Variants in CDK19 observed in about 807,000 individuals in gnomAD.
CDK19 encodes cyclin dependent kinase 19, also known as cyclin-dependent kinase 19.
Under a neutral mutation model 68.3 loss-of-function variants are expected in CDK19, and 20 were observed. That is an observed-to-expected ratio of 0.29 (90% CI 0.21 to 0.43). The LOEUF is 0.43. CDK19 is among the 20% of genes least tolerant of loss of function. The pLI is 1.00. For missense variants in CDK19, 339 were observed against 623.5 expected (o/e 0.54, Z 4.86); for synonymous variants, 221 against 222.8 (o/e 0.99, Z 0.07).
At chr6:110,768,490 T>C (rs996029379) in intron 1 of CDK19, among the ~76,000 whole-genome samples, 26 of 152,198 alleles carry the variant, frequency 1.7e-4, no homozygotes, top group African/African-American at 6.3e-4. Context: ...GCAACCAAGA[T>C]ATCCTTCAGT....
chr6:110,723,155 A>C (rs1776058248), intron 2 of CDK19, among the ~76,000 whole-genome samples: 1 of 151,046 alleles, frequency 6.6e-6, no homozygotes, highest in Non-Finnish European at 1.5e-5. Flanking sequence ...AAAAAACAAA[A>C]AAAAAAACGC....
intron 1 of CDK19, among the ~76,000 whole-genome samples, chr6:110,805,855 A>G (rs759585827): frequency 6.6e-6 from 1 of 152,102 alleles, no homozygotes; most frequent in Non-Finnish European, 1.5e-5. Flanking sequence ...TAAAACTCAG[A>G]GACATGCCTT....
At position 110,783,265 on chromosome 6, in the gene CDK19, C is replaced by T. The variant is rs375601634; in HGVS notation, c.128+31744G>A. Among the ~76,000 whole-genome samples the T allele has an allele frequency of 7.2e-5, 11 of 152,256 alleles. No individual in the cohort carries two copies. In the East Asian group the frequency reaches 1.3e-3, roughly 19 times the overall value. ...TCATTAAATTTGCTGCACAACTTTT[C>T]GGAGTGTAATAGCTTTACTTCAAGT... On this transcript the variant is annotated intron_variant, in intron 1 of 12. Coordinates refer to ENST00000368911, the MANE Select transcript of CDK19 (RefSeq NM_015076.5).
At chr6:110,735,427 T>C (rs1299437079) in intron 2 of CDK19, among the ~76,000 whole-genome samples, 1 of 152,166 alleles carries the variant, frequency 6.6e-6, no homozygotes, top group Non-Finnish European at 1.5e-5. Context: ...AACAGCCCAC[T>C]TTGTTCCAAG....
At chr6:110,695,652 A>G (rs2114606790) in intron 2 of CDK19, among the ~76,000 whole-genome samples, 1 of 152,300 alleles carries the variant, frequency 6.6e-6, no homozygotes, top group East Asian at 1.9e-4. Flanking sequence ...ATTAGAAATG[A>G]AACTGGAGAT....
chr6:110,672,820 A>C (rs1385437189), intron 2 of CDK19, among the ~76,000 whole-genome samples: 1 of 152,166 alleles, frequency 6.6e-6, no homozygotes, highest in Non-Finnish European at 1.5e-5. Context: ...CATAAAAGAA[A>C]AATTTTTTTA....
chr6:110,712,595 T>A (rs1388193474), intron 2 of CDK19, among the ~76,000 whole-genome samples: 2 of 152,198 alleles, frequency 1.3e-5, no homozygotes, highest in East Asian at 3.9e-4. Context: ...CCCACTTCAC[T>A]CTTGTCTTTG....
In CDK19 at chr6:110,626,880, A is replaced by G. The variant is rs781618157; in HGVS notation, c.791-35T>C. On this transcript the variant is annotated intron_variant, in intron 7 of 12. Transcript: ENST00000368911. ...AAATTAAATATTGTTATAGAAAATA[A>G]TGTGTTAATTTAAAATCTCCTAATT... 1.6e-5 allele frequency: 22 copies of G among 1,410,656 alleles called. No homozygotes were observed. The South Asian group carries it at 2.3e-4, about 15-fold the overall frequency. 87.4% of individuals were successfully genotyped at this position (1,410,656 alleles called of 1,614,324 possible).
At chr6:110,714,722 C>CTTTTTTTTTTTT (rs112875656) in intron 2 of CDK19, among the ~76,000 whole-genome samples, 6 of 69,836 alleles carry the variant, frequency 8.6e-5, no homozygotes, top group East Asian at 2.8e-4. Flanking sequence ...AATGTCTTTT[C>CTTTTTTTTTTTT]TTTTTTTTTT....
rs373584668 is a variant in CDK19, at chr6:110,614,505, G to A, written c.*30C>T. ...CATATTGCTGGAGCCTGTGCTCTGG[G>A]CTGGGCTGGCCTGGCCCAACGGGAG... On this transcript the variant is annotated 3_prime_UTR_variant, in exon 13 of 13. Transcript: ENST00000368911. 6 of 1,607,188 alleles carry A rather than the reference G, an allele frequency of 3.7e-6. No individual in the cohort carries two copies. Among genetic ancestry groups the A allele is most frequent in the Non-Finnish European group, 4.3e-6 (5 of 1,175,400 alleles).
intron 12 of CDK19, among the ~76,000 whole-genome samples, chr6:110,620,796 G>A (rs1410053647): frequency 1.3e-5 from 2 of 152,028 alleles, no homozygotes; most frequent in East Asian, 1.9e-4. Flanking sequence ...GCGTATCTAC[G>A]TATCTTTTTC....
intron 2 of CDK19, among the ~76,000 whole-genome samples, chr6:110,709,069 T>C (rs895509525): frequency 1.3e-5 from 2 of 152,030 alleles, no homozygotes; most frequent in Non-Finnish European, 2.9e-5. Context: ...ACAGAACCAA[T>C]GACAAAAACC....
At chr6:110,710,112 A>G (rs1187037105) in intron 2 of CDK19, among the ~76,000 whole-genome samples, 1 of 152,230 alleles carries the variant, frequency 6.6e-6, no homozygotes, top group South Asian at 2.1e-4. Flanking sequence ...AGTACTAAAC[A>G]CCATTTAAGA....
In CDK19 at chr6:110,756,297, G is replaced by A. The variant is rs1380725458; in HGVS notation, c.129-10096C>T. Among the ~76,000 whole-genome samples, 3 of 152,050 alleles carry A rather than the reference G, an allele frequency of 2.0e-5. No homozygotes were observed. In the South Asian group the frequency reaches 6.2e-4, roughly 32 times the overall value. ...CTCAGCTACTCAGGAGGCTAAGGCA[G>A]GAGAATTACTTGAACTCGGGAGGCA... On this transcript the variant is annotated intron_variant, in intron 1 of 12. Coordinates refer to ENST00000368911, the MANE Select transcript of CDK19 (RefSeq NM_015076.5).
At chr6:110,666,714 C>T (rs2114411634) in intron 4 of CDK19, among the ~76,000 whole-genome samples, 1 of 152,218 alleles carries the variant, frequency 6.6e-6, no homozygotes, top group South Asian at 2.1e-4. Flanking sequence ...ATCATGAAAT[C>T]ACGTTGTGGG....
At chr6:110,801,160 A>C (rs1445432309) in intron 1 of CDK19, among the ~76,000 whole-genome samples, 1 of 152,154 alleles carries the variant, frequency 6.6e-6, no homozygotes, top group Non-Finnish European at 1.5e-5. Flanking sequence ...AATAACATTC[A>C]AGCTGAGAAC....
intron 2 of CDK19, among the ~76,000 whole-genome samples, chr6:110,691,849 T>C (rs935766008): frequency 2.0e-5 from 3 of 150,222 alleles, no homozygotes; most frequent in African/African-American, 7.3e-5. Flanking sequence ...GGTTTCACCA[T>C]GTTGGTCAGG....
chr6:110,638,278 A>C (rs1779914153), intron 5 of CDK19, among the ~76,000 whole-genome samples: 1 of 152,212 alleles, frequency 6.6e-6, no homozygotes. Context: ...GGTGGGGAGG[A>C]AAATATTCAG....
intron 2 of CDK19, among the ~76,000 whole-genome samples, chr6:110,695,329 G>C (rs1330662575): frequency 6.6e-6 from 1 of 152,048 alleles, no homozygotes. Context: ...ACACAACCTA[G>C]CAAAACCTCT....
Sources: allele counts gnomAD v4.1 joint callset (sites outside exome capture counted in the v4.1 genomes callset), GRCh38; gene constraint gnomAD v4.1.1; transcripts MANE v1.5; gene names NCBI Gene and HGNC (gene_info 2026-07-23, HGNC 2026-07-21).